DLC1: variants seen among roughly 807,000 people sequenced by gnomAD.
DLC1 encodes rho GTPase-activating protein 7.
In DLC1, 54 loss-of-function variants were observed where a neutral mutation model predicts 140.3. The ratio of observed to expected loss-of-function variants is 0.38; its 90% CI spans 0.31 to 0.48. The LOEUF (loss-of-function observed/expected upper bound fraction) is 0.48, where lower values mean the gene tolerates loss of function less well. Among genes scored for constraint, DLC1 ranks in the 20% least tolerant of loss-of-function variants. DLC1 has a pLI of 0.96. For synonymous variants in DLC1, 986 were observed against 728.1 expected (o/e 1.35, Z -5.70); for missense variants, 2,536 against 1,907.0 (o/e 1.33, Z -6.14).
At chr8:13,437,385 A>C (rs1225574139) in intron 2 of DLC1, among the ~76,000 whole-genome samples, 1 of 152,218 alleles carries the variant, frequency 6.6e-6, no homozygotes, top group Non-Finnish European at 1.5e-5. Flanking sequence ...TGAACACTGT[A>C]GTCAATTGAG....
intron 4 of DLC1, among the ~76,000 whole-genome samples, chr8:13,347,101 T>C (rs1834375120): frequency 6.6e-6 from 1 of 152,208 alleles, no homozygotes; most frequent in African/African-American, 2.4e-5. Context: ...AAACATAGTA[T>C]ACACAGGGTT....
intron 5 of DLC1, among the ~76,000 whole-genome samples, chr8:13,198,363 A>C (rs1307174212): frequency 1.3e-5 from 2 of 152,166 alleles, no homozygotes; most frequent in Non-Finnish European, 2.9e-5. Flanking sequence ...AGAGATGCTG[A>C]GCCGGTTCCA....
At position 13,514,656 on chromosome 8, in the gene DLC1, A is replaced by G. The variant is rs145632015; in HGVS notation, c.-180T>C. 2.5e-5 allele frequency: 10 copies of G among 398,668 alleles called. No homozygotes were observed. Among genetic ancestry groups the G allele is most frequent in the African/African-American group, 1.8e-4 (9 of 48,766 alleles). The allele number at this position is 398,668 out of a possible 1,614,324, so 24.7% of individuals were successfully genotyped here. A position where few individuals can be genotyped will look rare whatever the true frequency, so the allele number is the denominator to read the frequency against. On this transcript the variant is annotated 5_prime_UTR_variant, in exon 1 of 18. Coordinates refer to ENST00000276297, the MANE Select transcript of DLC1 (RefSeq NM_182643.3). ...CATGACACTGCTCAACACTCAGGCT[A>G]GGAAAGAAGTCCGTCCCCGTTAGTT...
At chr8:13,470,377 TA>T (rs1191001002) in intron 2 of DLC1, among the ~76,000 whole-genome samples, 2 of 151,624 alleles carry the variant, frequency 1.3e-5, no homozygotes, top group East Asian at 3.9e-4. Context: ...TCAATAAAAA[TA>T]AAAAACAACC....
intron 5 of DLC1, among the ~76,000 whole-genome samples, chr8:13,150,953 G>C (rs895851170): frequency 3.9e-5 from 6 of 152,208 alleles, no homozygotes; most frequent in Non-Finnish European, 8.8e-5. Context: ...TTCTATTAGG[G>C]ACAGGTTGTA....
chr8:13,237,396 T>C (rs1309818322), intron 5 of DLC1, among the ~76,000 whole-genome samples: 1 of 151,418 alleles, frequency 6.6e-6, no homozygotes, highest in Non-Finnish European at 1.5e-5. Flanking sequence ...TTTGTGATTA[T>C]GTATGAACTT....
At chr8:13,298,365 T>C (rs75265547) in intron 5 of DLC1, among the ~76,000 whole-genome samples, 12,247 of 152,104 alleles carry the variant, frequency 0.081, 958 homozygotes, top group East Asian at 0.39. Flanking sequence ...TATTTGGCCG[T>C]TGGGTTGAGT....
intron 5 of DLC1, among the ~76,000 whole-genome samples, chr8:13,253,969 G>A (rs1439145294): frequency 2.6e-5 from 4 of 152,100 alleles, no homozygotes; most frequent in Non-Finnish European, 2.9e-5. Flanking sequence ...ACCATCTAAC[G>A]TTTGGGTGAA....
chr8:13,567,121 C>A (rs1369392836), intron 1 of DLC1: 11 of 1,551,748 alleles, frequency 7.1e-6, no homozygotes, highest in Non-Finnish European at 9.6e-6. Flanking sequence ...CTCTGGAGGA[C>A]GGCAGTCCTC....
At chr8:13,118,206 A>C (rs1048664579) in intron 5 of DLC1, among the ~76,000 whole-genome samples, 2 of 152,030 alleles carry the variant, frequency 1.3e-5, no homozygotes, top group Non-Finnish European at 1.5e-5. Flanking sequence ...CCTGTCTAAC[A>C]AATAAAATGA....
chr8:13,369,873 C>T (rs1361181546), intron 4 of DLC1, among the ~76,000 whole-genome samples: 2 of 148,266 alleles, frequency 1.3e-5, no homozygotes, highest in Non-Finnish European at 3.0e-5. Flanking sequence ...CCTGGCTTCT[C>T]ATCTCACTCA....
At chr8:13,188,803 A>ATATATATATATATATATATATGTG (rs1563149511) in intron 5 of DLC1, among the ~76,000 whole-genome samples, 7 of 41,414 alleles carry the variant, frequency 1.7e-4, no homozygotes, top group Non-Finnish European at 2.3e-4. Context: ...GTGTGTGTGT[A>ATATATATATATATATATATATGTG]TATATATATA....
chr8:13,139,762 C>T (rs1306192924), intron 5 of DLC1, among the ~76,000 whole-genome samples: 1 of 152,252 alleles, frequency 6.6e-6, no homozygotes, highest in Non-Finnish European at 1.5e-5. Flanking sequence ...AAGGACAGCT[C>T]TGATTCTTTC....
At chr8:13,256,418 A>T (rs1830229263) in intron 5 of DLC1, among the ~76,000 whole-genome samples, 1 of 152,220 alleles carries the variant, frequency 6.6e-6, no homozygotes, top group South Asian at 2.1e-4. Context: ...AGACACACGC[A>T]CACGTATGTT....
intron 4 of DLC1, among the ~76,000 whole-genome samples, chr8:13,345,098 C>T (rs1352404611): frequency 6.6e-6 from 1 of 152,088 alleles, no homozygotes; most frequent in East Asian, 1.9e-4. Context: ...ACTTATTTTG[C>T]AGACGAGGAT....
At chr8:13,143,418 G>A (rs960107717) in intron 5 of DLC1, among the ~76,000 whole-genome samples, 15 of 152,116 alleles carry the variant, frequency 9.9e-5, no homozygotes, top group Non-Finnish European at 1.8e-4. Flanking sequence ...GTGATTTTGT[G>A]TTACTTCCTA....
chr8:13,285,060 C>A (rs1051734339), intron 5 of DLC1, among the ~76,000 whole-genome samples: 1 of 152,002 alleles, frequency 6.6e-6, no homozygotes, highest in Non-Finnish European at 1.5e-5. Flanking sequence ...TACAAAAGAC[C>A]TAAAGGAGCC....
Position 13,193,913 on chromosome 8 carries a change from C to T in DLC1, c.1349-78256G>A, listed in dbSNP as rs144098650. Among the ~76,000 whole-genome samples, 18 of 152,222 alleles carry T rather than the reference C, an allele frequency of 1.2e-4. No individual in the cohort carries two copies. The East Asian group carries it at 1.7e-3, about 15-fold the overall frequency. The stretch of plus-strand genomic sequence containing the variant: ...TTGGTAACTTTTAGGGAATATCTGA[C>T]GCCGCTAAAAAATCCACATGCATGC... On this transcript the variant is annotated intron_variant, in intron 5 of 17. Coordinates refer to ENST00000276297, the MANE Select transcript of DLC1 (RefSeq NM_182643.3).
At position 13,583,696 on chromosome 8, in the gene DLC1, A is replaced by T. The variant is rs1372946803; in HGVS notation, c.-126+20841T>A. Reference sequence around the variant, plus strand: ...AAACCTATTAATTCTTTAGCGAAATATCGATTAAAAAAGAAGCAACACTAT... The same window carrying T: ...AAACCTATTAATTCTTTAGCGAAATTTCGATTAAAAAAGAAGCAACACTAT... On this transcript the variant is annotated intron_variant, in intron 1 of 1. Coordinates refer to the DLC1 transcript ENST00000631382. 2.6e-5 allele frequency among the ~76,000 whole-genome samples: 4 copies of T among 152,212 alleles called. No homozygotes were observed. The East Asian group carries it at 5.8e-4, about 22-fold the overall frequency.
Sources: allele counts gnomAD v4.1 joint callset (sites outside exome capture counted in the v4.1 genomes callset), GRCh38; gene constraint gnomAD v4.1.1; transcripts MANE v1.5; gene names NCBI Gene and HGNC (gene_info 2026-07-23, HGNC 2026-07-21).